The following DAB1 variants were observed in gnomAD, a reference collection of about 807,000 sequenced individuals.
DAB1 encodes DAB adaptor protein 1.
Under a neutral mutation model 64.6 loss-of-function variants are expected in DAB1, and 15 were observed. That is an observed-to-expected ratio of 0.23 (90% confidence interval 0.16 to 0.36). The LOEUF (loss-of-function observed/expected upper bound fraction) is 0.36, where lower values mean the gene tolerates loss of function less well. DAB1 is among the 10% of genes least tolerant of loss of function. The pLI, the probability that DAB1 is intolerant of heterozygous loss-of-function variation, is 1.00. For synonymous variants in DAB1, 235 were observed against 251.9 expected, an observed-to-expected ratio of 0.93 and a Z score of 0.64; for missense variants, 596 against 706.7, an observed-to-expected ratio of 0.84 and a Z score of 1.78.
intron 5 of DAB1, among the ~76,000 whole-genome samples, chr1:58,058,591 C>T (rs1648292147): frequency 6.6e-6 from 1 of 152,110 alleles, no homozygotes; most frequent in Non-Finnish European, 1.5e-5. Flanking sequence ...GGCTTCATCA[C>T]TCATAGCAAT....
chr1:58,051,766 T>A (rs1257118764), intron 5 of DAB1, among the ~76,000 whole-genome samples: 1 of 152,234 alleles, frequency 6.6e-6, no homozygotes, highest in Non-Finnish European at 1.5e-5. Context: ...GGTATCTCAT[T>A]GTGATTTTGA....
intron 5 of DAB1, among the ~76,000 whole-genome samples, chr1:58,096,235 C>T (rs1570347243): frequency 6.6e-6 from 1 of 152,238 alleles, no homozygotes; most frequent in East Asian, 1.9e-4. Flanking sequence ...TGGTTGGTGT[C>T]TCTGCCTCTG....
intron 7 of DAB1, among the ~76,000 whole-genome samples, chr1:57,441,458 C>T (rs183163447): frequency 5.7e-4 from 87 of 151,890 alleles, no homozygotes; most frequent in Non-Finnish European, 9.7e-4. Context: ...CAGGCTCAAG[C>T]GATCCTGCCA....
At chr1:57,595,669 T>C (rs1282849382) in intron 7 of DAB1, among the ~76,000 whole-genome samples, 1 of 149,780 alleles carries the variant, frequency 6.7e-6, no homozygotes, top group Non-Finnish European at 1.5e-5. Context: ...ATAATCCCAG[T>C]GTTGGAGGTG....
chr1:57,779,032 G>A (rs992976088), intron 6 of DAB1, among the ~76,000 whole-genome samples: 3 of 151,814 alleles, frequency 2.0e-5, no homozygotes, highest in Non-Finnish European at 4.4e-5. Context: ...TGCCTACCTC[G>A]AGTCTACCTT....
At chr1:58,032,532 T>C (rs774017364) in intron 5 of DAB1, among the ~76,000 whole-genome samples, 7 of 152,254 alleles carry the variant, frequency 4.6e-5, no homozygotes, top group Non-Finnish European at 1.0e-4. Flanking sequence ...ACATGCCATG[T>C]TGAGTGTTTG....
intron 7 of DAB1, among the ~76,000 whole-genome samples, chr1:57,444,405 A>G (rs1318640560): frequency 1.3e-5 from 2 of 152,184 alleles, no homozygotes; most frequent in Non-Finnish European, 2.9e-5. Context: ...AATAGATTAT[A>G]AGCTTCATCA....
At chr1:58,192,732 A>G (rs1205611660) in intron 4 of DAB1, among the ~76,000 whole-genome samples, 1 of 152,182 alleles carries the variant, frequency 6.6e-6, no homozygotes, top group Non-Finnish European at 1.5e-5. Flanking sequence ...GTTTGATTCC[A>G]TATTTTTGCT....
At chr1:57,363,389 C>T (rs544887628) in intron 1 of DAB1, among the ~76,000 whole-genome samples, 67 of 152,268 alleles carry the variant, frequency 4.4e-4, no homozygotes, top group South Asian at 2.3e-3. Context: ...GACATAGAAT[C>T]GTTCCCAACT....
At chr1:57,003,646 C>T (rs982805310) in intron 14 of DAB1, among the ~76,000 whole-genome samples, 10 of 152,154 alleles carry the variant, frequency 6.6e-5, no homozygotes, top group African/African-American at 2.4e-4. Context: ...AGAACTCTTT[C>T]ATCACCCCAA....
chr1:58,515,265 G>A (rs114617382), intron 2 of DAB1, among the ~76,000 whole-genome samples: 322 of 152,162 alleles, frequency 2.1e-3, no homozygotes, highest in African/African-American at 7.4e-3. Flanking sequence ...CTCAGCATTT[G>A]CCAATCCCTC....
intron 2 of DAB1, among the ~76,000 whole-genome samples, chr1:57,251,802 A>T (rs1570056010): frequency 6.6e-6 from 1 of 152,064 alleles, no homozygotes; most frequent in Non-Finnish European, 1.5e-5. Flanking sequence ...TTTGGAGACA[A>T]TAATTTTGGA....
At chr1:57,183,541 A>T (rs1026863759) in intron 2 of DAB1, among the ~76,000 whole-genome samples, 1 of 152,146 alleles carries the variant, frequency 6.6e-6, no homozygotes, top group East Asian at 1.9e-4. Flanking sequence ...TGATGAGTCC[A>T]TTCCTGGGCA....
In DAB1 at chr1:58,317,247, C is replaced by T. The variant is rs535853506; in HGVS notation, n.309+26105G>A. On this transcript the variant is annotated intron_variant and non_coding_transcript_variant, in intron 4 of 20. Transcript: ENST00000485760. ...TGGGAGCTGAGTGTTTGGTCTCACC[C>T]GCTCTGTGCTCCCTAATGTCCATAA... is the stretch of plus-strand genomic sequence containing the variant. Among the ~76,000 whole-genome samples the T allele has an allele frequency of 1.2e-4, 19 of 152,364 alleles. 1 individual carries two copies. The South Asian group carries it at 1.9e-3, about 15-fold the overall frequency.
At chr1:57,400,851 A>G (rs557127203) in intron 1 of DAB1, among the ~76,000 whole-genome samples, 1 of 152,128 alleles carries the variant, frequency 6.6e-6, no homozygotes, top group Non-Finnish European at 1.5e-5. Context: ...GATGTGGCTC[A>G]AACCTAATTT....
intron 2 of DAB1, among the ~76,000 whole-genome samples, chr1:57,239,762 A>C (rs552242905): frequency 6.6e-6 from 1 of 152,338 alleles, no homozygotes; most frequent in East Asian, 1.9e-4. Context: ...CTTTAAAAAA[A>C]AATCAAAACA....
At chr1:58,454,396 G>T (rs1645170171) in intron 3 of DAB1, among the ~76,000 whole-genome samples, 1 of 152,190 alleles carries the variant, frequency 6.6e-6, no homozygotes, top group Non-Finnish European at 1.5e-5. Context: ...AGCAAGAGAA[G>T]GCCCTGGGTG....
rs188887060 is a variant in DAB1 at position 57,189,809 on chromosome 1, C to T, written c.68-44380G>A. ...CGGGTACATGGCCAGCTCTGAGAAGCCAACATTTGTTGGCAGACAATTGCA... is the reference window on the plus strand; with the variant it reads ...CGGGTACATGGCCAGCTCTGAGAAGTCAACATTTGTTGGCAGACAATTGCA... On this transcript the variant is annotated intron_variant, in intron 2 of 14. Coordinates refer to ENST00000371236, the MANE Select transcript of DAB1 (RefSeq NM_001365792.1). 5.4e-4 allele frequency among the ~76,000 whole-genome samples: 81 copies of T among 150,604 alleles called. 1 individual carries two copies. In the East Asian group the frequency reaches 0.011, roughly 20 times the overall value.
intron 3 of DAB1, among the ~76,000 whole-genome samples, chr1:58,502,066 T>C (rs1445570200): frequency 6.6e-6 from 1 of 152,204 alleles, no homozygotes; most frequent in African/African-American, 2.4e-5. Flanking sequence ...TGATAAATAC[T>C]TGTTGAATGC....
Sources: gnomAD v4.1 joint callset for allele counts (sites outside exome capture counted in the v4.1 genomes callset) on GRCh38, gnomAD v4.1.1 for gene constraint, MANE v1.5 for transcripts, NCBI Gene and HGNC (gene_info 2026-07-23, HGNC 2026-07-21) for gene names.